Variants in ANO4 observed in about 807,000 individuals in gnomAD.
The protein encoded by ANO4 is anoctamin-4.
ANO4 carries 69 observed loss-of-function variants against 141.9 expected under a neutral mutation model. That is an observed-to-expected ratio of 0.49 (90% CI 0.40 to 0.59). The LOEUF (loss-of-function observed/expected upper bound fraction) is 0.59, where lower values mean the gene tolerates loss of function less well. Among genes scored for constraint, ANO4 ranks in the 20% least tolerant of loss-of-function variants. The pLI, the probability that ANO4 is intolerant of heterozygous loss-of-function variation, is 0.00. For synonymous variants in ANO4, 350 were observed against 394.3 expected, an observed-to-expected ratio of 0.89 and a Z score of 1.33; for missense variants, 894 against 1,162.2, an observed-to-expected ratio of 0.77 and a Z score of 3.36.
At chr12:100,857,313 T>G (rs1231408678) in intron 1 of ANO4, among the ~76,000 whole-genome samples, 1 of 152,158 alleles carries the variant, frequency 6.6e-6, no homozygotes, top group African/African-American at 2.4e-5. Flanking sequence ...AATCAGATAT[T>G]TTTTTGGATG....
At chr12:100,913,248 A>G (rs943543275) in intron 2 of ANO4, among the ~76,000 whole-genome samples, 2 of 152,230 alleles carry the variant, frequency 1.3e-5, no homozygotes, top group Non-Finnish European at 2.9e-5. Flanking sequence ...GTGAATGAAG[A>G]AGAGCCATAA....
intron 1 of ANO4, among the ~76,000 whole-genome samples, chr12:100,805,501 G>A (rs1333672595): frequency 6.6e-6 from 1 of 152,188 alleles, no homozygotes; most frequent in Non-Finnish European, 1.5e-5. Context: ...GTCAATGGTA[G>A]TTTAATGGTA....
rs562690779 is a variant in ANO4, at chr12:101,026,672, A to G, written c.841+6532A>G. Among the ~76,000 whole-genome samples the G allele has an allele frequency of 5.3e-4, 80 of 152,304 alleles. 1 individual carries two copies. The highest frequency in any genetic ancestry group is 7.8e-4 in the Admixed American group (12 of 15,302). ...GGGTAAAGAATTGACTTTTCAACAT[A>G]TGATACTGAATTCAAACCCATATGC... On this transcript the variant is annotated intron_variant, in intron 9 of 27. Transcript: ENST00000392977.
chr12:101,043,608 G>C lies in ANO4; in HGVS notation c.1224G>C (p.Arg408Ser), dbSNP rs1248488823. The change falls in exon 13 of 28, where the codon AGG becomes AGC. Residue 408 changes from arginine (R) to serine (S), a missense_variant. This residue lies in a region of ANO4 where 637 missense variants were observed against 909.2 expected (regional missense o/e 0.70). Coordinates refer to ENST00000392977, the MANE Select transcript of ANO4 (RefSeq NM_001286615.2). ...GTGATAAATACTGTCCATTCATGAG[G>C]CTGTCAGACAGCTGTGTATATGCCA... is the stretch of plus-strand genomic sequence containing the variant. The part of the protein sequence containing the change: ...PVCDKYCPFM[R>S]LSDSCVYAKV... 1 of 1,613,202 alleles carries C rather than the reference G, an allele frequency of 6.2e-7. No homozygotes were observed. Among genetic ancestry groups the C allele is most frequent in the Non-Finnish European group, 8.5e-7 (1 of 1,179,496 alleles).
rs558449681 is a variant in ANO4, at chr12:101,120,701, A to G, written c.2676+76A>G. On this transcript the variant is annotated intron_variant, in intron 26 of 27. Coordinates refer to ENST00000392977, the MANE Select transcript of ANO4 (RefSeq NM_001286615.2). ...TAGGAGTAATGAATAAAAATAAGTG[A>G]TGGGGATTTTGAATGTGATTATCTA... 1.1e-5 allele frequency: 13 copies of G among 1,163,542 alleles called. No individual in the cohort carries two copies. In the South Asian group the frequency reaches 1.6e-4, roughly 14 times the overall value. The allele number at this position is 1,163,542 out of a possible 1,614,324, so 72.1% of individuals were successfully genotyped here.
intron 5 of ANO4, among the ~76,000 whole-genome samples, chr12:100,960,665 T>C (rs2043380658): frequency 6.6e-6 from 1 of 152,124 alleles, no homozygotes; most frequent in African/African-American, 2.4e-5. Context: ...GCTTCCTCAC[T>C]AGCAGAAGAC....
At chr12:100,753,753 A>G (rs1370225227) in intron 3 of ANO4, among the ~76,000 whole-genome samples, 2 of 152,238 alleles carry the variant, frequency 1.3e-5, no homozygotes, top group African/African-American at 2.4e-5. Flanking sequence ...TATCTAAATG[A>G]GAGATTTTAA....
At chr12:100,916,312 A>G (rs1008185572) in intron 2 of ANO4, among the ~76,000 whole-genome samples, 1 of 152,200 alleles carries the variant, frequency 6.6e-6, no homozygotes, top group Non-Finnish European at 1.5e-5. Flanking sequence ...ATGATCTATA[A>G]TATGTCTTTC....
chr12:100,831,502 G>A (rs1015103779), intron 1 of ANO4, among the ~76,000 whole-genome samples: 1 of 145,306 alleles, frequency 6.9e-6, no homozygotes, highest in Non-Finnish European at 1.5e-5. Context: ...ACTTCCACCT[G>A]TGGAAAAATA....
chr12:101,045,091 A>T (rs560076960), intron 13 of ANO4, among the ~76,000 whole-genome samples: 8 of 152,272 alleles, frequency 5.3e-5, no homozygotes, highest in African/African-American at 1.9e-4. Flanking sequence ...TGAATAGTTT[A>T]TGAGTGCTCA....
chr12:100,928,915 T>G (rs1190628535), intron 3 of ANO4, among the ~76,000 whole-genome samples: 2 of 152,206 alleles, frequency 1.3e-5, no homozygotes, highest in African/African-American at 4.8e-5. Context: ...TCATCTGTGC[T>G]GTTTTATAAA....
chr12:100,735,506 T>C (rs10860627), intron 2 of ANO4, among the ~76,000 whole-genome samples: 35,003 of 151,826 alleles, frequency 0.23, 4,432 homozygotes, highest in East Asian at 0.47. Flanking sequence ...GAGAGAAGAT[T>C]ATTATGGTGG....
At chr12:101,120,672 T>A in intron 26 of ANO4, 47 bp downstream of exon 26, 2 of 1,448,868 alleles carry the variant, frequency 1.4e-6, no homozygotes, top group Non-Finnish European at 1.9e-6. Flanking sequence ...CATAATGAAG[T>A]CAGTAGGAGT....
At chr12:101,107,502 T>A (rs563881469) in intron 22 of ANO4, among the ~76,000 whole-genome samples, 151 of 151,788 alleles carry the variant, frequency 9.9e-4, no homozygotes, top group Non-Finnish European at 2.0e-3. Flanking sequence ...TATATTTGAG[T>A]ACTCTTGAAG....
chr12:100,943,151 G>C lies in ANO4; in HGVS notation c.456+616G>C, dbSNP rs2042584872. 2.0e-5 allele frequency among the ~76,000 whole-genome samples: 3 copies of C among 152,210 alleles called. No homozygotes were observed. In the South Asian group the frequency reaches 6.2e-4, roughly 31 times the overall value. ...TAAGTAAGGAATGTACAAGAGGCCA[G>C]CCAGGCCTCTGATAGTAATCCATGA... On this transcript the variant is annotated intron_variant, in intron 5 of 27. Transcript: ENST00000392977.
intron 1 of ANO4, among the ~76,000 whole-genome samples, chr12:100,867,559 C>T (rs2038810746): frequency 6.6e-6 from 1 of 151,906 alleles, no homozygotes; most frequent in Non-Finnish European, 1.5e-5. Context: ...CTCGGTCTAC[C>T]CATTCCAATG....
At chr12:100,996,763 TG>T (rs2045393644) in intron 8 of ANO4, among the ~76,000 whole-genome samples, 1 of 152,238 alleles carries the variant, frequency 6.6e-6, no homozygotes, top group Non-Finnish European at 1.5e-5. Flanking sequence ...TGAGATTCTC[TG>T]TAACATCCCT....
chr12:100,862,830 G>A (rs2038554700), intron 1 of ANO4, among the ~76,000 whole-genome samples: 1 of 152,116 alleles, frequency 6.6e-6, no homozygotes, highest in African/African-American at 2.4e-5. Context: ...CATCATATAT[G>A]TTGTCCATCA....
chr12:101,032,361 G>C (rs2047007634), intron 9 of ANO4, among the ~76,000 whole-genome samples: 1 of 152,190 alleles, frequency 6.6e-6, no homozygotes. Flanking sequence ...AATGGTGCTG[G>C]GAAAACGGGC....
Sources: gnomAD v4.1 joint callset for allele counts (sites outside exome capture counted in the v4.1 genomes callset) on GRCh38, gnomAD v4.1.1 for gene constraint, gnomAD v4.1.1 regional missense constraint, MANE v1.5 for transcripts, NCBI Gene and HGNC (gene_info 2026-07-23, HGNC 2026-07-21) for gene names.